RTCA: variants seen among roughly 807,000 people sequenced by gnomAD.
The protein encoded by RTCA is RNA 3'-terminal phosphate cyclase, also known as RNA terminal phosphate cyclase domain 1.
RTCA carries 37 observed loss-of-function variants against 46.1 expected under a neutral mutation model. The observed-to-expected ratio is 0.80, with a 90% confidence interval of 0.62 to 1.06. The LOEUF (loss-of-function observed/expected upper bound fraction) is 1.06, where lower values mean the gene tolerates loss of function less well. RTCA is among the 50% of genes least tolerant of loss of function. RTCA has a pLI of 0.00. For synonymous variants in RTCA, 164 were observed against 158.3 expected (o/e 1.04, Z -0.27); for missense variants, 435 against 455.5 (o/e 0.95, Z 0.41).
At chr1:100,290,610 T>C (rs969043101) in intron 10 of RTCA, among the ~76,000 whole-genome samples, 6 of 151,930 alleles carry the variant, frequency 3.9e-5, no homozygotes, top group African/African-American at 7.3e-5. Flanking sequence ...TACAACAGAA[T>C]TAAAAATTAG....
chr1:100,278,962 T>G (rs2100802843), intron 8 of RTCA, among the ~76,000 whole-genome samples: 1 of 152,358 alleles, frequency 6.6e-6, no homozygotes, highest in East Asian at 1.9e-4. Flanking sequence ...TTCCAGGTAC[T>G]TTTAATGTAT....
rs1344397530 is a variant in RTCA, at chr1:100,266,311, G to A, written c.-65G>A. 3 of 1,585,884 alleles carry A rather than the reference G, an allele frequency of 1.9e-6. No individual in the cohort carries two copies. The highest frequency in any genetic ancestry group is 2.6e-6 in the Non-Finnish European group (3 of 1,168,908). On this transcript the variant is annotated 5_prime_UTR_variant, in exon 1 of 11. Transcript: ENST00000370128. ...TCTGAACTACTGGGCGGGAGCCAACGTCTCTTCTTTCTCCCGCTCTGGCGG... is the reference window on the plus strand; with the variant it reads ...TCTGAACTACTGGGCGGGAGCCAACATCTCTTCTTTCTCCCGCTCTGGCGG...
chr1:100,285,561 T>C (rs1031550701), intron 9 of RTCA, among the ~76,000 whole-genome samples: 4 of 152,232 alleles, frequency 2.6e-5, no homozygotes, highest in African/African-American at 9.6e-5. Context: ...CTTTCCTTGG[T>C]TTCTGAAATA....
In RTCA at chr1:100,277,466, T is replaced by C. The variant is rs1018646416; in HGVS notation, c.799+150T>C. The C allele has an allele frequency of 1.2e-5, 9 of 748,736 alleles. No individual in the cohort carries two copies. In the Admixed American group the frequency reaches 1.4e-4, roughly 11 times the overall value. 46.4% of individuals were successfully genotyped at this position (748,736 alleles called of 1,614,324 possible). A position where few individuals can be genotyped will look rare whatever the true frequency, so the allele number is the denominator to read the frequency against. ...TAGAGTCAATTACACTTTCAGACTT[T>C]CAGTCTTTCTCCCACCTTTATACTT... is the stretch of plus-strand genomic sequence containing the variant. On this transcript the variant is annotated intron_variant, in intron 8 of 10. Coordinates refer to ENST00000370128, the MANE Select transcript of RTCA (RefSeq NM_003729.4).
At chr1:100,269,801 G>A (rs931240307) in intron 3 of RTCA, among the ~76,000 whole-genome samples, 1 of 152,092 alleles carries the variant, frequency 6.6e-6, no homozygotes, top group Non-Finnish European at 1.5e-5. Context: ...AGCCCTGCAT[G>A]CATTAGGTAT....
In RTCA at chr1:100,274,911, CTG is replaced by C; in HGVS notation, c.566_567del (p.Val189AspfsTer2). ...ACCCTATAAATTTAACTGAGCGTGG[CTG>C]TGTGACTAAGATATATGGAAGAGCT... The part of the protein sequence containing the change: ...LNPINLTERG[C>X]VTKIYGRAFV... On this transcript the variant is annotated frameshift_variant, in exon 6 of 11. Coordinates refer to ENST00000370128, the MANE Select transcript of RTCA (RefSeq NM_003729.4). LOFTEE classifies it high-confidence loss of function. 1 of 1,613,240 alleles carries C rather than the reference CTG, an allele frequency of 6.2e-7. No homozygotes were observed. The highest frequency in any genetic ancestry group is 8.5e-7 in the Non-Finnish European group (1 of 1,179,402).
At chr1:100,277,004 G>C (rs906290767) in intron 7 of RTCA, among the ~76,000 whole-genome samples, 3 of 152,116 alleles carry the variant, frequency 2.0e-5, no homozygotes, top group African/African-American at 7.2e-5. Context: ...CTTGTTGGGG[G>C]GCATGGTAGA....
chr1:100,288,466 A>G (rs1667154747), intron 10 of RTCA, among the ~76,000 whole-genome samples: 1 of 152,162 alleles, frequency 6.6e-6, no homozygotes, highest in African/African-American at 2.4e-5. Flanking sequence ...GCTGGATTGC[A>G]GTGGCACAAA....
At chr1:100,269,167 C>T (rs1376518917) in intron 3 of RTCA, among the ~76,000 whole-genome samples, 1 of 151,752 alleles carries the variant, frequency 6.6e-6, no homozygotes, top group African/African-American at 2.4e-5. Flanking sequence ...CGCTGCACTC[C>T]AGCCTGGGTG....
intron 8 of RTCA, among the ~76,000 whole-genome samples, chr1:100,282,480 C>G (rs1666761655): frequency 6.6e-6 from 1 of 152,184 alleles, no homozygotes; most frequent in African/African-American, 2.4e-5. Flanking sequence ...TTTCTGAACT[C>G]CTGTCGGGTA....
At chr1:100,277,930 T>C (rs942437304) in intron 8 of RTCA, among the ~76,000 whole-genome samples, 6 of 152,172 alleles carry the variant, frequency 3.9e-5, no homozygotes, top group African/African-American at 1.4e-4. Flanking sequence ...CAGGCCATTT[T>C]CTCACAGAGT....
intron 8 of RTCA, chr1:100,281,373 T>G (rs1254478806): frequency 7.7e-6 from 4 of 517,852 alleles, no homozygotes; most frequent in South Asian, 4.3e-5. Context: ...TCCCATGTCC[T>G]GTCATTATCA....
intron 8 of RTCA, among the ~76,000 whole-genome samples, chr1:100,283,160 C>CTTTT (rs71084815): frequency 9.8e-6 from 1 of 102,106 alleles, no homozygotes; most frequent in Non-Finnish European, 1.9e-5. Context: ...CCAAATATTC[C>CTTTT]TTTTTTTTTT....
intron 8 of RTCA, among the ~76,000 whole-genome samples, chr1:100,284,091 T>C (rs1162167115): frequency 6.6e-6 from 1 of 152,024 alleles, no homozygotes; most frequent in African/African-American, 2.4e-5. Flanking sequence ...ATTTTCATTT[T>C]TCATAAGACG....
At chr1:100,267,268 A>C (rs374347111) in intron 2 of RTCA, 7 of 428,606 alleles carry the variant, frequency 1.6e-5, no homozygotes, top group Non-Finnish European at 2.9e-5. Flanking sequence ...TATTTATTAC[A>C]TTTTAATAAA....
chr1:100,281,262 G>T (rs1173179037), intron 8 of RTCA: 2 of 533,922 alleles, frequency 3.7e-6, no homozygotes, highest in Non-Finnish European at 3.8e-6. Context: ...TTTTAAAACG[G>T]TGAGATTTTG....
At chr1:100,287,670 A>T (rs1667097576) in intron 10 of RTCA, among the ~76,000 whole-genome samples, 1 of 152,216 alleles carries the variant, frequency 6.6e-6, no homozygotes, top group Non-Finnish European at 1.5e-5. Flanking sequence ...CTATTGGTAA[A>T]ATAGAATATT....
At chr1:100,275,047 A>C in intron 6 of RTCA, 82 bp downstream of exon 6, 1 of 1,349,328 alleles carries the variant, frequency 7.4e-7, no homozygotes, top group Admixed American at 2.2e-5. Flanking sequence ...GAAATTATTG[A>C]GAGAACTTAA....
Position 100,266,319 on chromosome 1 carries a change from T to C in RTCA, c.-57T>C, listed in dbSNP as rs1665765967. ...ACTGGGCGGGAGCCAACGTCTCTTC[T>C]TTCTCCCGCTCTGGCGGAGGCTTTG... On this transcript the variant is annotated 5_prime_UTR_variant, in exon 1 of 11. Coordinates refer to ENST00000370128, the MANE Select transcript of RTCA (RefSeq NM_003729.4). 1 of 1,594,184 alleles carries C rather than the reference T, an allele frequency of 6.3e-7. No homozygotes were observed. Among genetic ancestry groups the C allele is most frequent in the Non-Finnish European group, 8.5e-7 (1 of 1,174,414 alleles).
Sources: gnomAD v4.1 joint callset for allele counts (sites outside exome capture counted in the v4.1 genomes callset) on GRCh38, gnomAD v4.1.1 for gene constraint, MANE v1.5 for transcripts, NCBI Gene and HGNC (gene_info 2026-07-23, HGNC 2026-07-21) for gene names.